SYNE1: variants seen among roughly 807,000 people sequenced by gnomAD.
The protein encoded by SYNE1 is spectrin repeat containing nuclear envelope protein 1, also known as nesprin-1.
A neutral mutation model predicts 1,111.0 loss-of-function variants in SYNE1; 616 were observed. The ratio of observed to expected loss-of-function variants is 0.55; its 90% CI spans 0.52 to 0.59. The LOEUF (loss-of-function observed/expected upper bound fraction) is 0.59. SYNE1 is among the 20% of genes least tolerant of loss of function. SYNE1 has a pLI of 0.00. For synonymous variants in SYNE1, 3,855 were observed against 3,825.8 expected, an observed-to-expected ratio of 1.01 and a Z score of -0.28; for missense variants, 10,006 against 10,417.0, an observed-to-expected ratio of 0.96 and a Z score of 1.72.
At chr6:152,424,118 T>C (rs954622004) in intron 39 of SYNE1, among the ~76,000 whole-genome samples, 2 of 152,294 alleles carry the variant, frequency 1.3e-5, no homozygotes, top group Middle Eastern at 3.4e-3. Context: ...CCTCGGCACC[T>C]AAAAAGGTGC....
chr6:152,504,199 G>A (rs552051016), intron 9 of SYNE1, among the ~76,000 whole-genome samples: 1 of 151,978 alleles, frequency 6.6e-6, no homozygotes, highest in Non-Finnish European at 1.5e-5. Flanking sequence ...ATTTATTTTT[G>A]TGCAGAAAGA....
At chr6:152,225,960 T>G in intron 115 of SYNE1, 84 bp from the exon 116 acceptor site, 1 of 1,406,972 alleles carries the variant, frequency 7.1e-7, no homozygotes, top group Non-Finnish European at 9.8e-7. Context: ...TATAGTTTCA[T>G]GTCCTAAAAA....
At chr6:152,613,015 T>C (rs2099636232) in intron 3 of SYNE1, among the ~76,000 whole-genome samples, 1 of 152,166 alleles carries the variant, frequency 6.6e-6, no homozygotes, top group Non-Finnish European at 1.5e-5. Context: ...ATAAGAGCTA[T>C]TTATGACAAG....
intron 16 of SYNE1, among the ~76,000 whole-genome samples, chr6:152,469,550 A>C (rs938236843): frequency 2.6e-4 from 40 of 152,168 alleles, no homozygotes; most frequent in African/African-American, 9.7e-4. Context: ...CAGGTATGTA[A>C]GTGTAAAATA....
rs139187150 is a variant in SYNE1 at position 152,581,116 on chromosome 6, G to T, written c.68-41095C>A. 3.3e-5 allele frequency among the ~76,000 whole-genome samples: 5 copies of T among 152,326 alleles called. No homozygotes were observed. In the East Asian group the frequency reaches 7.7e-4, roughly 24 times the overall value. ...TTCCAGAGAGGCCTCAGGAACTACT[G>T]ATGTGTGCAAAGACCTGCTTCCCTG... is the stretch of plus-strand genomic sequence containing the variant. On this transcript the variant is annotated intron_variant, in intron 3 of 145. Coordinates refer to ENST00000367255, the MANE Select transcript of SYNE1 (RefSeq NM_182961.4).
intron 54 of SYNE1, among the ~76,000 whole-genome samples, chr6:152,386,724 T>C (rs1166092326): frequency 6.6e-6 from 1 of 152,140 alleles, no homozygotes; most frequent in Non-Finnish European, 1.5e-5. Context: ...TTGCATTTAA[T>C]ATAACAAATA....
At chr6:152,489,737 G>T (rs533038765) in intron 11 of SYNE1, among the ~76,000 whole-genome samples, 11 of 152,148 alleles carry the variant, frequency 7.2e-5, no homozygotes, top group Non-Finnish European at 4.4e-5. Context: ...ACTCTAGGAA[G>T]ATTTTCTAAC....
In SYNE1 at chr6:152,611,903, T is replaced by A. The variant is rs192414173; in HGVS notation, c.67+16362A>T. ...AACCTGCTCCTGAATGACTGCTGGG[T>A]AAATAACAAAATGAAGGCAGAAATA... On this transcript the variant is annotated intron_variant, in intron 3 of 145. Transcript: ENST00000367255. Among the ~76,000 whole-genome samples, 1,062 of 151,098 alleles carry A rather than the reference T, an allele frequency of 7.0e-3. 5 individuals are homozygous for A. Among genetic ancestry groups the A allele is most frequent in the Non-Finnish European group, 0.011 (773 of 67,668 alleles).
chr6:152,480,085 T>C (rs2098877100), intron 14 of SYNE1, among the ~76,000 whole-genome samples: 1 of 152,250 alleles, frequency 6.6e-6, no homozygotes, highest in African/African-American at 2.4e-5. Context: ...TTCTTGATCA[T>C]ACATCAATGA....
chr6:152,445,544 A>G (rs939377770), intron 29 of SYNE1, among the ~76,000 whole-genome samples: 5 of 151,898 alleles, frequency 3.3e-5, no homozygotes, highest in Admixed American at 6.6e-5. Flanking sequence ...CTTTTATCCT[A>G]TCTTTTTTCT....
chr6:152,405,963 C>A (rs1416936364), intron 45 of SYNE1, among the ~76,000 whole-genome samples: 1 of 151,918 alleles, frequency 6.6e-6, no homozygotes, highest in Non-Finnish European at 1.5e-5. Flanking sequence ...TTTATCATAG[C>A]CCAATTACTA....
At chr6:152,168,219 C>A (rs761465036) in intron 130 of SYNE1, 28 of 756,628 alleles carry the variant, frequency 3.7e-5, no homozygotes, top group Admixed American at 3.7e-4. Flanking sequence ...CTTCCACTTG[C>A]AAAAGTTAGA....
At chr6:152,145,619 G>T (rs563760554) in intron 137 of SYNE1, 7 of 1,444,344 alleles carry the variant, frequency 4.8e-6, no homozygotes, top group Non-Finnish European at 6.8e-6. Context: ...CCTTGTGCAG[G>T]AAAATAACTT....
At chr6:152,389,979 A>G (rs534933204) in intron 53 of SYNE1, among the ~76,000 whole-genome samples, 34 of 152,350 alleles carry the variant, frequency 2.2e-4, no homozygotes, top group Non-Finnish European at 3.8e-4. Context: ...AGAACCATAT[A>G]TTCTTGCTTG....
chr6:152,270,423 C>A (rs191886293), intron 98 of SYNE1, among the ~76,000 whole-genome samples: 1 of 152,070 alleles, frequency 6.6e-6, no homozygotes, highest in African/African-American at 2.4e-5. Flanking sequence ...AGAAACTGGC[C>A]CATTGCTAAG....
intron 119 of SYNE1, 95 bp from the exon 120 acceptor site, chr6:152,219,280 A>G (rs2079510003): frequency 2.6e-6 from 3 of 1,167,250 alleles, no homozygotes; most frequent in African/African-American, 1.5e-5. Flanking sequence ...GAAACACACC[A>G]TTCCTACGGA....
rs772357574 is a variant in SYNE1 at position 152,139,960 on chromosome 6, T to C, written c.25448A>G (p.Lys8483Arg). Residue 8483 changes from lysine to arginine, a missense_variant, in exon 140 of 146, where the codon AAA (lysine) becomes AGA (arginine). Lys to Arg is a conservative substitution (Grantham distance 26, BLOSUM62 2). This residue lies in a region of SYNE1 where 761 missense variants were observed against 795.5 expected (regional missense o/e 0.96). Coordinates refer to ENST00000367255, the MANE Select transcript of SYNE1 (RefSeq NM_182961.4). ...GCAAGGGGCAGCTACCTTGAGCTTT[T>C]TGATCTGGAGCTCGATGGTCTGGAT... ...TDIQTIELQIKKLKELQKAVD... is the reference protein window; with the variant it reads ...TDIQTIELQIRKLKELQKAVD... 4 of 1,613,524 alleles carry C rather than the reference T, an allele frequency of 2.5e-6. No individual in the cohort carries two copies. In the East Asian group the frequency reaches 8.9e-5, roughly 36 times the overall value.
In SYNE1 at chr6:152,399,811, C is replaced by A; in HGVS notation, c.7042G>T (p.Glu2348Ter). 1 of 1,614,012 alleles carries A rather than the reference C, an allele frequency of 6.2e-7. No individual in the cohort carries two copies. The highest frequency in any genetic ancestry group is 8.5e-7 in the Non-Finnish European group (1 of 1,179,950). Reference sequence around the variant, plus strand: ...ATGTTGCTTTGTTGACTTTGAAGTTCTTTTTGTATATCCTACAGAATAAAA... The same window carrying A: ...ATGTTGCTTTGTTGACTTTGAAGTTATTTTTGTATATCCTACAGAATAAAA... ...ALKKVKDIQK[E>*]LQSQQSNISS... is the part of the protein sequence containing the mutation. The change falls in exon 48 of 146, where the codon GAA becomes TAA. Residue 2348 changes from glutamate to a stop codon, truncating the protein, a stop_gained. Coordinates refer to ENST00000367255, the MANE Select transcript of SYNE1 (RefSeq NM_182961.4). LOFTEE classifies it high-confidence loss of function.
chr6:152,231,039 GC>G (rs1046120943), intron 114 of SYNE1, among the ~76,000 whole-genome samples: 1 of 152,122 alleles, frequency 6.6e-6, no homozygotes, highest in African/African-American at 2.4e-5. Flanking sequence ...GCCGCATGCA[GC>G]CCGCGGGCTG....
Sources: gnomAD v4.1 joint callset for allele counts (sites outside exome capture counted in the v4.1 genomes callset) on GRCh38, gnomAD v4.1.1 for gene constraint, gnomAD v4.1.1 regional missense constraint, MANE v1.5 for transcripts, NCBI Gene and HGNC (gene_info 2026-07-23, HGNC 2026-07-21) for gene names.